The following FARP2 variants were observed in gnomAD, a reference collection of about 807,000 sequenced individuals.
FARP2 encodes the protein FERM, ARHGEF and pleckstrin domain-containing protein 2.
In FARP2, 111 loss-of-function variants were observed where a neutral mutation model predicts 130.5. The observed-to-expected ratio is 0.85, with a 90% CI of 0.73 to 1.00. The LOEUF (loss-of-function observed/expected upper bound fraction) is 1.00, where lower values mean the gene tolerates loss of function less well. FARP2 is among the 50% of genes least tolerant of loss of function. The pLI is 0.00. For synonymous variants in FARP2, 504 were observed against 516.9 expected (o/e 0.98, Z 0.34); for missense variants, 1,385 against 1,346.3 (o/e 1.03, Z -0.45).
chr2:241,472,663 C>T (rs28592855), intron 18 of FARP2, among the ~76,000 whole-genome samples: 2,985 of 151,156 alleles, frequency 0.02, 100 homozygotes, highest in African/African-American at 0.069. Flanking sequence ...GAAGGTGATG[C>T]TGTTTTGAGG....
At chr2:241,413,501 C>A in intron 7 of FARP2, 80 bp downstream of exon 7, 2 of 998,230 alleles carry the variant, frequency 2.0e-6, no homozygotes, top group South Asian at 1.4e-5. Context: ...GGACTGTTGT[C>A]GTGACTTCTG....
intron 2 of FARP2, among the ~76,000 whole-genome samples, chr2:241,375,746 C>G (rs113041542): frequency 6.6e-6 from 1 of 151,964 alleles, no homozygotes; most frequent in African/African-American, 2.4e-5. Flanking sequence ...TCTGAATATC[C>G]TGGGTTGGAT....
In FARP2 at chr2:241,404,727, G is replaced by T; in HGVS notation, c.289-72G>T. The T allele has an allele frequency of 4.2e-6, 5 of 1,196,196 alleles. No individual in the cohort carries two copies. In the Admixed American group the frequency reaches 5.8e-5, roughly 14 times the overall value. 74.1% of individuals were successfully genotyped at this position (1,196,196 alleles called of 1,614,324 possible). A position where few individuals can be genotyped will look rare whatever the true frequency, so the allele number is the denominator to read the frequency against. The stretch of plus-strand genomic sequence containing the variant: ...AATTTATCTTATTATAACCATTTTT[G>T]TTTTTATAGCATACTTGTTAAATAG... On this transcript the variant is annotated intron_variant, in intron 3 of 26. Transcript: ENST00000264042.
At chr2:241,474,684 C>A (rs974055151) in intron 18 of FARP2, among the ~76,000 whole-genome samples, 1 of 151,252 alleles carries the variant, frequency 6.6e-6, no homozygotes, top group Non-Finnish European at 1.5e-5. Flanking sequence ...CCCCGCTACT[C>A]GGGAGGCTGA....
intron 4 of FARP2, 70 bp downstream of exon 4, chr2:241,404,911 A>T: frequency 8.6e-7 from 1 of 1,167,286 alleles, no homozygotes. Context: ...TTTAAAAGGC[A>T]TGTTCAACTG....
intron 4 of FARP2, among the ~76,000 whole-genome samples, chr2:241,406,130 C>T (rs777890700): frequency 2.4e-4 from 36 of 151,696 alleles, no homozygotes; most frequent in African/African-American, 4.6e-4. Flanking sequence ...GGTGAAACTC[C>T]GCCTCTACTA....
At chr2:241,433,188 G>A (rs2063135952) in intron 9 of FARP2, among the ~76,000 whole-genome samples, 1 of 152,012 alleles carries the variant, frequency 6.6e-6, no homozygotes, top group Admixed American at 6.6e-5. Context: ...CACCAAAGCA[G>A]CTATTAACTT....
Position 241,476,784 on chromosome 2 carries a change from G to A in FARP2, c.2262+797G>A, listed in dbSNP as rs567193465. 5.3e-5 allele frequency among the ~76,000 whole-genome samples: 8 copies of A among 152,256 alleles called. No homozygotes were observed. In the South Asian group the frequency reaches 1.5e-3, roughly 28 times the overall value. ...AAAATATATAATTGAGTGGGTTTTA[G>A]TATCTTCACAAGGTTATGTAGCCAT... On this transcript the variant is annotated intron_variant, in intron 19 of 26. Transcript: ENST00000264042.
Position 241,407,522 on chromosome 2 carries a change from A to G in FARP2, c.332-15A>G. 1 of 1,608,900 alleles carries G rather than the reference A, an allele frequency of 6.2e-7. No homozygotes were observed. The highest frequency in any genetic ancestry group is 8.5e-7 in the Non-Finnish European group (1 of 1,175,458). On this transcript the variant is annotated splice_polypyrimidine_tract_variant and intron_variant, in intron 4 of 26. Coordinates refer to ENST00000264042, the MANE Select transcript of FARP2 (RefSeq NM_014808.4). Reference sequence around the variant, plus strand: ...GATCGGCCTTATTTGTGAAGTTTAAATTTTTTTGTTATAGGGCCAAAGAAT... The same window carrying G: ...GATCGGCCTTATTTGTGAAGTTTAAGTTTTTTTGTTATAGGGCCAAAGAAT...
chr2:241,480,075 G>A (rs1391552800), intron 19 of FARP2, among the ~76,000 whole-genome samples: 1 of 152,164 alleles, frequency 6.6e-6, no homozygotes, highest in Non-Finnish European at 1.5e-5. Flanking sequence ...TGGTTGTAGG[G>A]ACCTGTCAGA....
At position 241,491,075 on chromosome 2, in the gene FARP2, A is replaced by C. The variant is rs754567388; in HGVS notation, c.2519A>C (p.Lys840Thr). The C allele has an allele frequency of 8.7e-6, 14 of 1,613,328 alleles. No individual in the cohort carries two copies. Among genetic ancestry groups the C allele is most frequent in the Non-Finnish European group, 1.2e-5 (14 of 1,179,756 alleles). ...TCTCCCTGCAGCACTCGGCTGGAGA[A>C]AGAGAAGTGGATGCTGGACCTGAAC... Reference protein sequence around the residue: ...IVVAASTRLEKEKWMLDLNSA... With the variant: ...IVVAASTRLETEKWMLDLNSA... Residue 840 changes from lysine to threonine, a missense_variant, in exon 23 of 27, where the codon AAA (lysine) becomes ACA (threonine). Transcript: ENST00000264042.
At chr2:241,452,586 T>G (rs1441427045) in intron 13 of FARP2, among the ~76,000 whole-genome samples, 1 of 151,950 alleles carries the variant, frequency 6.6e-6, no homozygotes, top group Non-Finnish European at 1.5e-5. Flanking sequence ...GAGGACTGTT[T>G]GAGGCCAGGA....
At chr2:241,460,363 C>T (rs1025281548) in intron 14 of FARP2, among the ~76,000 whole-genome samples, 11 of 152,088 alleles carry the variant, frequency 7.2e-5, no homozygotes, top group Admixed American at 7.2e-4. Flanking sequence ...CTCACTGCAG[C>T]CTTGTACTTC....
chr2:241,453,564 G>C (rs2063741700), intron 13 of FARP2, among the ~76,000 whole-genome samples: 1 of 151,638 alleles, frequency 6.6e-6, no homozygotes, highest in African/African-American at 2.4e-5. Context: ...GGAGCTTGCA[G>C]TGAGCCGAGA....
At chr2:241,450,839 C>T (rs2063637228) in intron 13 of FARP2, among the ~76,000 whole-genome samples, 1 of 152,124 alleles carries the variant, frequency 6.6e-6, no homozygotes, top group South Asian at 2.1e-4. Context: ...GTAATCCCCG[C>T]TACTTGGGAG....
At chr2:241,410,649 C>T (rs916554644) in intron 5 of FARP2, among the ~76,000 whole-genome samples, 3 of 152,000 alleles carry the variant, frequency 2.0e-5, no homozygotes, top group African/African-American at 4.8e-5. Context: ...AGGCTGGTCT[C>T]GAACTCCTGA....
At chr2:241,397,831 C>CTTTT (rs397868255) in intron 2 of FARP2, among the ~76,000 whole-genome samples, 7 of 122,652 alleles carry the variant, frequency 5.7e-5, no homozygotes, top group Admixed American at 2.7e-4. Context: ...ACCTTTTTTC[C>CTTTT]TTTTTTTTTT....
chr2:241,437,003 C>T (rs961935001), intron 12 of FARP2, among the ~76,000 whole-genome samples: 1 of 152,124 alleles, frequency 6.6e-6, no homozygotes, highest in Non-Finnish European at 1.5e-5. Flanking sequence ...AGAGAGAAAG[C>T]CTGTATGTTG....
chr2:241,403,011 G>A (rs112418380), intron 2 of FARP2, among the ~76,000 whole-genome samples: 48 of 142,102 alleles, frequency 3.4e-4, no homozygotes, highest in Admixed American at 9.4e-4. Flanking sequence ...GATTACAGGC[G>A]TGATCCCACC....
Sources: allele counts gnomAD v4.1 joint callset (sites outside exome capture counted in the v4.1 genomes callset), GRCh38; gene constraint gnomAD v4.1.1; transcripts MANE v1.5; gene names NCBI Gene and HGNC (gene_info 2026-07-23, HGNC 2026-07-21).